The following RBFOX3 variants were observed in gnomAD, a reference collection of about 807,000 sequenced individuals.
RBFOX3 encodes the protein RNA binding protein fox-1 homolog 3.
A neutral mutation model predicts 48.7 loss-of-function variants in RBFOX3; 17 were observed. That is an observed-to-expected ratio of 0.35 (90% CI 0.24 to 0.52). The LOEUF (loss-of-function observed/expected upper bound fraction) is 0.52. RBFOX3 is among the 20% of genes least tolerant of loss of function. RBFOX3 has a pLI of 0.94. For synonymous variants in RBFOX3, 212 were observed against 209.5 expected, an observed-to-expected ratio of 1.01 and a Z score of -0.10; for missense variants, 382 against 497.5, an observed-to-expected ratio of 0.77 and a Z score of 2.21.
At chr17:79,453,187 G>A (rs1385207413) in intron 2 of RBFOX3, among the ~76,000 whole-genome samples, 10 of 152,368 alleles carry the variant, frequency 6.6e-5, no homozygotes, top group Middle Eastern at 3.4e-3. Context: ...ATGCTATGCC[G>A]GAGCTGAAGA....
At chr17:79,665,410 G>C in the RBFOX3 span, among the ~76,000 whole-genome samples, 3 of 152,104 alleles carry the variant, frequency 2.0e-5, no homozygotes, top group African/African-American at 7.2e-5. Context: ...GAGAGGAGGG[G>C]CCTGGAGAGG....
chr17:79,309,142 C>T (rs761783510), intron 2 of RBFOX3, among the ~76,000 whole-genome samples: 1 of 151,892 alleles, frequency 6.6e-6, no homozygotes, highest in Non-Finnish European at 1.5e-5. Context: ...TTGTTTAAGC[C>T]ACCCAGTGTA....
intron 4 of RBFOX3, among the ~76,000 whole-genome samples, chr17:79,196,060 G>C (rs535107667): frequency 6.6e-6 from 1 of 152,278 alleles, no homozygotes; most frequent in Non-Finnish European, 1.5e-5. Context: ...AAGTGGGAGG[G>C]TGAATATTAT....
At chr17:79,652,557 G>A in the RBFOX3 span, among the ~76,000 whole-genome samples, 13 of 47,794 alleles carry the variant, frequency 2.7e-4, no homozygotes, top group East Asian at 5.2e-3. Context: ...GAGAAAGAGA[G>A]GAAGGAAAGG....
chr17:79,591,367 G>A (rs1028205024), intron 1 of RBFOX3, among the ~76,000 whole-genome samples: 1 of 152,116 alleles, frequency 6.6e-6, no homozygotes, highest in Non-Finnish European at 1.5e-5. Context: ...GATTTCCTGG[G>A]GACAGGAGAC....
chr17:79,551,236 C>T (rs925417277), intron 1 of RBFOX3, among the ~76,000 whole-genome samples: 1,733 of 152,150 alleles, frequency 0.011, 46 homozygotes, highest in African/African-American at 0.04. Context: ...CAGGGCGATT[C>T]CCCTCTCCCC....
chr17:79,269,415 G>GTCAC (rs1355132460), intron 3 of RBFOX3, among the ~76,000 whole-genome samples: 1 of 152,166 alleles, frequency 6.6e-6, no homozygotes, highest in African/African-American at 2.4e-5. Context: ...GAAGTCACAG[G>GTCAC]TCACTGTCCA....
the RBFOX3 span, among the ~76,000 whole-genome samples, chr17:79,618,212 G>A: frequency 6.6e-6 from 1 of 152,172 alleles, no homozygotes; most frequent in Non-Finnish European, 1.5e-5. Flanking sequence ...ACACACAAGT[G>A]GAAATAGCAA....
intron 4 of RBFOX3, among the ~76,000 whole-genome samples, chr17:79,232,753 C>G (rs1338434956): frequency 6.6e-6 from 1 of 152,056 alleles, no homozygotes; most frequent in Non-Finnish European, 1.5e-5. Context: ...GCCAAATAAC[C>G]ATACGAATAG....
In RBFOX3 at chr17:79,285,538, C is replaced by A. The variant is rs1035297115; in HGVS notation, c.-74+22186G>T. The stretch of plus-strand genomic sequence containing the variant: ...ATCAAGTAGGTAAAGATCTGTAAAC[C>A]AATATTGAAATGCACTAGAGAAGCT... On this transcript the variant is annotated intron_variant, in intron 3 of 14. Transcript: ENST00000693108. Among the ~76,000 whole-genome samples the A allele has an allele frequency of 5.3e-5, 8 of 152,264 alleles. No individual in the cohort carries two copies. The South Asian group carries it at 6.2e-4, about 12-fold the overall frequency.
At chr17:79,248,333 C>T (rs901699427) in intron 3 of RBFOX3, among the ~76,000 whole-genome samples, 6 of 151,854 alleles carry the variant, frequency 4.0e-5, no homozygotes, top group African/African-American at 1.2e-4. Flanking sequence ...CCCGGGTTCA[C>T]GCCATTCTCC....
At chr17:79,419,928 A>G (rs1419220103) in intron 2 of RBFOX3, among the ~76,000 whole-genome samples, 1 of 152,150 alleles carries the variant, frequency 6.6e-6, no homozygotes, top group Non-Finnish European at 1.5e-5. Flanking sequence ...GAAGTTTGAG[A>G]CCAGCTTGGG....
chr17:79,183,232 CG>C (rs2052556886), intron 4 of RBFOX3: 3 of 150,302 alleles, frequency 2.0e-5, no homozygotes, highest in African/African-American at 4.9e-5. Context: ...TGCGCCGGGC[CG>C]GGGGCCGGGG....
chr17:79,637,347 T>C, the RBFOX3 span, among the ~76,000 whole-genome samples: 1 of 152,070 alleles, frequency 6.6e-6, no homozygotes, highest in African/African-American at 2.4e-5. Context: ...CAGAAAAATA[T>C]ACATTTTTCT....
In RBFOX3 at chr17:79,198,166, C is replaced by T. The variant is rs763870181; in HGVS notation, c.-34+37600G>A. 8.6e-5 allele frequency among the ~76,000 whole-genome samples: 13 copies of T among 151,612 alleles called. No homozygotes were observed. Among genetic ancestry groups the T allele is most frequent in the East Asian group, 3.9e-4 (2 of 5,164 alleles). ...CATCGTGTGGGGTGGGCTGTCATCC[C>T]GGAAGTGCTACGGTTGCATCGCTGG... On this transcript the variant is annotated intron_variant, in intron 4 of 14. Transcript: ENST00000693108. The surrounding 1 kb of genome is among the most constrained non-coding windows in gnomAD (Gnocchi z 8.2).
chr17:79,305,829 G>C (rs12938422), intron 3 of RBFOX3, among the ~76,000 whole-genome samples: 75,161 of 152,148 alleles, frequency 0.49, 21,049 homozygotes, highest in Non-Finnish European at 0.61. Flanking sequence ...CTGTGGGCAG[G>C]CAGCCTCCCT....
the RBFOX3 span, among the ~76,000 whole-genome samples, chr17:79,658,955 C>T: frequency 6.6e-6 from 1 of 152,210 alleles, no homozygotes; most frequent in Admixed American, 6.5e-5. Flanking sequence ...ACTCACATCT[C>T]ATAGGTTTGC....
chr17:79,496,264 A>C (rs1330011535), intron 1 of RBFOX3, among the ~76,000 whole-genome samples: 2 of 152,084 alleles, frequency 1.3e-5, no homozygotes, highest in Non-Finnish European at 2.9e-5. Flanking sequence ...GTCCTGTTAC[A>C]GCAACAGGAA....
At chr17:79,572,563 G>A (rs2092713300) in intron 1 of RBFOX3, among the ~76,000 whole-genome samples, 1 of 152,118 alleles carries the variant, frequency 6.6e-6, no homozygotes, top group South Asian at 2.1e-4. Flanking sequence ...AGGGTGGGGG[G>A]AGGGAGGGGG....
Sources: allele counts gnomAD v4.1 joint callset (sites outside exome capture counted in the v4.1 genomes callset), GRCh38; gene constraint gnomAD v4.1.1; non-coding constraint Gnocchi (gnomAD v3.1); transcripts MANE v1.5; gene names NCBI Gene and HGNC (gene_info 2026-07-23, HGNC 2026-07-21).